ARK2C: variants seen among roughly 807,000 people sequenced by gnomAD.
The protein encoded by ARK2C is E3 ubiquitin-protein ligase ARK2C.
chr18:46,373,867 C>T, the ARK2C span, among the ~76,000 whole-genome samples: 1 of 152,022 alleles, frequency 6.6e-6, no homozygotes, highest in African/African-American at 2.4e-5. Context: ...CCCCCTCCCA[C>T]CCCCGGTCCC....
the ARK2C span, among the ~76,000 whole-genome samples, chr18:46,427,454 C>T: frequency 6.6e-6 from 1 of 152,200 alleles, no homozygotes; most frequent in South Asian, 2.1e-4. Flanking sequence ...TGCTGCGAGG[C>T]AGGCAGCTGC....
At chr18:46,394,092 ACT>A in the ARK2C span, among the ~76,000 whole-genome samples, 2 of 152,032 alleles carry the variant, frequency 1.3e-5, no homozygotes, top group African/African-American at 4.8e-5. Flanking sequence ...CACACACCAG[ACT>A]CTAATTTCCT....
At chr18:46,339,182 T>C in the ARK2C span, among the ~76,000 whole-genome samples, 1 of 152,286 alleles carries the variant, frequency 6.6e-6, no homozygotes, top group South Asian at 2.1e-4. Context: ...AAATTTTCAT[T>C]TACAGGAGAC....
At chr18:46,350,956 C>T in the ARK2C span, among the ~76,000 whole-genome samples, 4 of 152,186 alleles carry the variant, frequency 2.6e-5, no homozygotes, top group African/African-American at 9.7e-5. Context: ...AGTCCCTCTG[C>T]CCCTGGCGTG....
chr18:46,347,244 C>T, the ARK2C span, among the ~76,000 whole-genome samples: 1 of 152,232 alleles, frequency 6.6e-6, no homozygotes, highest in Non-Finnish European at 1.5e-5. Flanking sequence ...ATGTCAGAGT[C>T]CTGTGGCTGT....
chr18:46,348,311 G>A, the ARK2C span, among the ~76,000 whole-genome samples: 928 of 152,254 alleles, frequency 6.1e-3, 19 homozygotes, highest in Admixed American at 0.034. Flanking sequence ...CTGGGGGACT[G>A]ATGGCATGCA....
At chr18:46,377,131 C>T in the ARK2C span, among the ~76,000 whole-genome samples, 1 of 152,070 alleles carries the variant, frequency 6.6e-6, no homozygotes, top group Non-Finnish European at 1.5e-5. Flanking sequence ...CAGCACATGG[C>T]CTGACCTTGG....
At chr18:46,377,967 A>G in the ARK2C span, among the ~76,000 whole-genome samples, 8 of 152,224 alleles carry the variant, frequency 5.3e-5, no homozygotes, top group South Asian at 1.5e-3. Context: ...TGGACTGCAC[A>G]ACAGAGGTGG....
At chr18:46,406,788 G>A in the ARK2C span, among the ~76,000 whole-genome samples, 1 of 152,224 alleles carries the variant, frequency 6.6e-6, no homozygotes, top group South Asian at 2.1e-4. Flanking sequence ...CTGTCCCACA[G>A]GGACCTGCCT....
the ARK2C span, chr18:46,335,283 CTG>C: frequency 2.0e-5 from 3 of 152,142 alleles, no homozygotes; most frequent in African/African-American, 7.2e-5. Flanking sequence ...TTGTTTTTAA[CTG>C]TGATAAATGG....
chr18:46,458,205 G>A, the ARK2C span: 2 of 152,576 alleles, frequency 1.3e-5, no homozygotes, highest in African/African-American at 2.4e-5. Flanking sequence ...ACCTGATACA[G>A]TATGTCTTTC....
the ARK2C span, among the ~76,000 whole-genome samples, chr18:46,415,886 A>G: frequency 2.8e-3 from 431 of 152,244 alleles, 5 homozygotes; most frequent in Non-Finnish European, 4.6e-3. Flanking sequence ...TTCACGAGGG[A>G]CCTGGAGTGC....
chr18:46,430,619 G>A, the ARK2C span, among the ~76,000 whole-genome samples: 1 of 151,952 alleles, frequency 6.6e-6, no homozygotes, highest in Non-Finnish European at 1.5e-5. Flanking sequence ...TTCCTTCAAC[G>A]TTTGCATCTT....
chr18:46,460,637 T>C, the ARK2C span: 2 of 152,558 alleles, frequency 1.3e-5, no homozygotes, highest in South Asian at 2.1e-4. Context: ...ATTGGTACGA[T>C]GACAAACAAC....
At chr18:46,367,250 A>G in the ARK2C span, among the ~76,000 whole-genome samples, 2 of 152,312 alleles carry the variant, frequency 1.3e-5, no homozygotes, top group East Asian at 3.9e-4. Flanking sequence ...CCTGGCTGTC[A>G]TACCTGGCTT....
the ARK2C span, among the ~76,000 whole-genome samples, chr18:46,337,954 G>A: frequency 4.6e-5 from 7 of 152,178 alleles, no homozygotes; most frequent in South Asian, 2.1e-4. Flanking sequence ...ACCTTTGGCC[G>A]CCTGTGTACT....
At chr18:46,357,427 A>G in the ARK2C span, among the ~76,000 whole-genome samples, 1 of 152,250 alleles carries the variant, frequency 6.6e-6, no homozygotes. Flanking sequence ...AAAAGTGCTG[A>G]GGATCAGAAA....
the ARK2C span, chr18:46,336,082 G>A: frequency 1.0e-6 from 1 of 985,156 alleles, no homozygotes; most frequent in South Asian, 4.7e-5. Flanking sequence ...GAAGAAAGAG[G>A]GGGGCTGGAT....
the ARK2C span, among the ~76,000 whole-genome samples, chr18:46,417,148 T>C: frequency 6.6e-6 from 1 of 152,228 alleles, no homozygotes; most frequent in East Asian, 1.9e-4. Context: ...ATGAAATATA[T>C]TTTGGATCTG....
Sources: gnomAD v4.1 joint callset for allele counts (sites outside exome capture counted in the v4.1 genomes callset) on GRCh38, gnomAD v4.1.1 for gene constraint, MANE v1.5 for transcripts, NCBI Gene and HGNC (gene_info 2026-07-23, HGNC 2026-07-21) for gene names.